NEK6: variants seen among roughly 807,000 people sequenced by gnomAD.
The protein encoded by NEK6 is NIMA related kinase 6, also known as serine/threonine-protein kinase Nek6.
A neutral mutation model predicts 43.5 loss-of-function variants in NEK6; 27 were observed. That is an observed-to-expected ratio of 0.62 (90% CI 0.46 to 0.86). The LOEUF is 0.86. NEK6 is among the 40% of genes least tolerant of loss of function. NEK6 has a pLI of 0.00. For missense variants in NEK6, 318 were observed against 414.4 expected (o/e 0.77, Z 2.02); for synonymous variants, 167 against 164.1 (o/e 1.02, Z -0.14).
At chr9:124,299,289 T>C (rs1395494900) in intron 1 of NEK6, among the ~76,000 whole-genome samples, 1 of 152,054 alleles carries the variant, frequency 6.6e-6, no homozygotes, top group Non-Finnish European at 1.5e-5. Context: ...TCCCTGGAGG[T>C]CTCCCTAAGG....
chr9:124,333,313 G>A (rs1267535623), intron 7 of NEK6, among the ~76,000 whole-genome samples: 1 of 152,234 alleles, frequency 6.6e-6, no homozygotes, highest in Non-Finnish European at 1.5e-5. Flanking sequence ...AAGAGGTGCT[G>A]TATCTGCTCC....
chr9:124,322,751 G>A lies in NEK6; in HGVS notation c.405+1182G>A, dbSNP rs1007328004. 2.6e-5 allele frequency among the ~76,000 whole-genome samples: 4 copies of A among 152,346 alleles called. No homozygotes were observed. The East Asian group carries it at 7.7e-4, about 29-fold the overall frequency. On this transcript the variant is annotated intron_variant, in intron 5 of 9. Coordinates refer to ENST00000320246, the MANE Select transcript of NEK6 (RefSeq NM_014397.6). ...TGGAGCCCCCACCCTGCTCACAGCC[G>A]CACTTAGAAACGGGGCCGGATGTGG...
At chr9:124,262,913 T>C (rs1831090033) in intron 1 of NEK6, 1 of 152,258 alleles carries the variant, frequency 6.6e-6, no homozygotes, top group Non-Finnish European at 1.5e-5. Context: ...ACCCTCATGC[T>C]TCAGAATTAG....
chr9:124,292,340 A>G, intron 1 of NEK6: 1 of 1,462,520 alleles, frequency 6.8e-7, no homozygotes, highest in Non-Finnish European at 9.0e-7. Context: ...GGCTGCTTTC[A>G]CATTGAGTAA....
Position 124,275,854 on chromosome 9 carries a change from T to C in NEK6, c.-30+17769T>C, listed in dbSNP as rs937650786. On this transcript the variant is annotated intron_variant, in intron 1 of 9. Transcript: ENST00000320246. This position sits in a 1 kb window ranked among gnomAD's most constrained non-coding sequence, Gnocchi z 4.4. The stretch of plus-strand genomic sequence containing the variant: ...GGGACAGCTGAGATGCTGAGACCAC[T>C]GTGTCCAAAGCCCAGGCCTTTTCTG... Among the ~76,000 whole-genome samples the C allele has an allele frequency of 1.3e-5, 2 of 152,238 alleles. No individual in the cohort carries two copies. Among genetic ancestry groups the C allele is most frequent in the African/African-American group, 4.8e-5 (2 of 41,476 alleles).
intron 7 of NEK6, among the ~76,000 whole-genome samples, chr9:124,331,391 A>AGTAGCCAGATACCAGAG (rs1828991288): frequency 6.6e-6 from 1 of 152,130 alleles, no homozygotes; most frequent in Non-Finnish European, 1.5e-5. Context: ...CCCTGTGGTC[A>AGTAGCCAGATACCAGAG]CCCAGTAGCC....
rs992940744 is a variant in NEK6, at chr9:124,351,300, T to TAACA, written c.*354_*357dup. On this transcript the variant is annotated 3_prime_UTR_variant, in exon 10 of 10. Coordinates refer to ENST00000320246, the MANE Select transcript of NEK6 (RefSeq NM_014397.6). Reference sequence around the variant, plus strand: ...TCCAGTGACCTGTCAAGGCTTATGCTAACAGGAGACTTGCAGGAGACCGTG... The same window carrying TAACA: ...TCCAGTGACCTGTCAAGGCTTATGCTAACAAACAGGAGACTTGCAGGAGACCGTG... The TAACA allele has an allele frequency of 2.0e-4, 44 of 225,072 alleles. No homozygotes were observed. The highest frequency in any genetic ancestry group is 9.1e-4 in the African/African-American group (40 of 43,820). The allele number at this position is 225,072 out of a possible 1,614,324, so 13.9% of individuals were successfully genotyped here.
Position 124,312,505 on chromosome 9 carries a change from C to T in NEK6, c.91-4C>T, listed in dbSNP as rs550629652. On this transcript the variant is annotated splice_region_variant and splice_polypyrimidine_tract_variant and intron_variant, in intron 2 of 9. Transcript: ENST00000320246. Reference sequence around the variant, plus strand: ...TCACGGAGGCCCTCTGTCCCCCGTTCCAGAGGCATCCCAACACGCTGTCTT... The same window carrying T: ...TCACGGAGGCCCTCTGTCCCCCGTTTCAGAGGCATCCCAACACGCTGTCTT... 1 of 1,527,316 alleles carries T rather than the reference C, an allele frequency of 6.5e-7. No individual in the cohort carries two copies. Among genetic ancestry groups the T allele is most frequent in the Non-Finnish European group, 8.9e-7 (1 of 1,124,814 alleles). 94.6% of individuals were successfully genotyped at this position (1,527,316 alleles called of 1,614,324 possible). A position where few individuals can be genotyped will look rare whatever the true frequency, so the allele number is the denominator to read the frequency against.
chr9:124,283,055 G>A (rs892700943), intron 1 of NEK6, among the ~76,000 whole-genome samples: 2 of 152,262 alleles, frequency 1.3e-5, no homozygotes, highest in African/African-American at 2.4e-5. Context: ...CAAAGGCCCT[G>A]TGATCAGACG....
intron 1 of NEK6, among the ~76,000 whole-genome samples, chr9:124,286,720 G>A (rs1283398928): frequency 6.6e-6 from 1 of 152,224 alleles, no homozygotes; most frequent in Admixed American, 6.5e-5. Context: ...AGGCCCCAGG[G>A]CATTAGACCT....
At chr9:124,292,119 G>T in intron 1 of NEK6, 1 of 1,095,916 alleles carries the variant, frequency 9.1e-7, no homozygotes, top group African/African-American at 1.7e-5. Flanking sequence ...TCCTGCTGTG[G>T]GAACCGCTTG....
chr9:124,313,878 A>T, intron 3 of NEK6, 45 bp from the exon 4 acceptor site: 1 of 1,608,848 alleles, frequency 6.2e-7, no homozygotes, highest in Non-Finnish European at 8.5e-7. Flanking sequence ...GGGTCACTGG[A>T]CACAGATTGT....
chr9:124,343,488 C>A lies in NEK6; in HGVS notation c.717+3823C>A, dbSNP rs1201669403. On this transcript the variant is annotated intron_variant, in intron 8 of 9. Transcript: ENST00000320246. This position sits in a 1 kb window ranked among gnomAD's most constrained non-coding sequence, Gnocchi z 5.1. ...GGCTGCTGTGGCCACCCATAGCCGG[C>A]CCATCCAAGGGTAACGGGGCAGGGG... Among the ~76,000 whole-genome samples the A allele has an allele frequency of 2.6e-5, 4 of 152,138 alleles. No homozygotes were observed. The highest frequency in any genetic ancestry group is 9.7e-5 in the African/African-American group (4 of 41,434).
chr9:124,274,226 C>T (rs559357486), intron 1 of NEK6, among the ~76,000 whole-genome samples: 2 of 152,274 alleles, frequency 1.3e-5, no homozygotes, highest in African/African-American at 4.8e-5. Flanking sequence ...CTGCTTCCTG[C>T]GCATGTCCCG....
intron 9 of NEK6, among the ~76,000 whole-genome samples, chr9:124,348,290 C>A (rs756521860): frequency 5.3e-5 from 8 of 152,180 alleles, no homozygotes; most frequent in Non-Finnish European, 8.8e-5. Flanking sequence ...AGACTTAACA[C>A]CCTGGGCTTC....
intron 1 of NEK6, among the ~76,000 whole-genome samples, chr9:124,262,098 C>T (rs565232146): frequency 2.0e-5 from 3 of 151,970 alleles, no homozygotes; most frequent in South Asian, 2.1e-4. Context: ...CCTGGCTGTC[C>T]GTGAAATGGC....
In NEK6 at chr9:124,324,253, G is replaced by A. The variant is rs923620605; in HGVS notation, c.406-2077G>A. On this transcript the variant is annotated intron_variant, in intron 5 of 9. Transcript: ENST00000320246. This position sits in a 1 kb window ranked among gnomAD's most constrained non-coding sequence, Gnocchi z 5.3. ...AATGCCTGGGGTTTGGTGGGAGCTC[G>A]GTTCCCCTGGTTCTGCCTGCTCTCA... Among the ~76,000 whole-genome samples the A allele has an allele frequency of 5.3e-5, 8 of 152,264 alleles. No homozygotes were observed. The highest frequency in any genetic ancestry group is 1.9e-4 in the East Asian group (1 of 5,170).
intron 1 of NEK6, among the ~76,000 whole-genome samples, chr9:124,283,502 C>A (rs1190709093): frequency 1.3e-5 from 2 of 152,174 alleles, no homozygotes; most frequent in African/African-American, 4.8e-5. Flanking sequence ...GGAAAACCCA[C>A]CTAGACTTGG....
chr9:124,266,359 G>T (rs1831227816), intron 1 of NEK6, among the ~76,000 whole-genome samples: 2 of 152,178 alleles, frequency 1.3e-5, no homozygotes, highest in Admixed American at 6.5e-5. Context: ...GAGAGTCCAG[G>T]ATCTGTGGTG....
Sources: allele counts gnomAD v4.1 joint callset (sites outside exome capture counted in the v4.1 genomes callset), GRCh38; gene constraint gnomAD v4.1.1; non-coding constraint Gnocchi (gnomAD v3.1); transcripts MANE v1.5; gene names NCBI Gene and HGNC (gene_info 2026-07-23, HGNC 2026-07-21).